VGLL4: variants seen among roughly 807,000 people sequenced by gnomAD.
VGLL4 encodes the protein transcription cofactor vestigial-like protein 4.
VGLL4 carries 7 observed loss-of-function variants against 21.0 expected under a neutral mutation model. The observed-to-expected ratio is 0.33, with a 90% CI of 0.19 to 0.63. VGLL4 has a LOEUF of 0.63. Among genes scored for constraint, VGLL4 ranks in the 20% least tolerant of loss-of-function variants. The probability of loss-of-function intolerance (pLI) is 0.78; values close to 1 mark genes in which losing one functional copy is unlikely to be tolerated. For synonymous variants in VGLL4, 222 were observed against 173.2 expected, an observed-to-expected ratio of 1.28 and a Z score of -2.21; for missense variants, 394 against 425.7, an observed-to-expected ratio of 0.93 and a Z score of 0.66.
At chr3:11,589,649 C>T (rs962582821) in intron 2 of VGLL4, among the ~76,000 whole-genome samples, 9 of 152,204 alleles carry the variant, frequency 5.9e-5, no homozygotes, top group African/African-American at 1.4e-4. Context: ...CTGTGGACTT[C>T]GTGACTTAAA....
intron 2 of VGLL4, among the ~76,000 whole-genome samples, chr3:11,696,881 C>G (rs2076613192): frequency 6.6e-6 from 1 of 152,046 alleles, no homozygotes. Context: ...TGGGACCCCG[C>G]CGGGTATGTG....
intron 1 of VGLL4, among the ~76,000 whole-genome samples, chr3:11,618,097 T>C (rs767738519): frequency 6.6e-6 from 1 of 152,194 alleles, no homozygotes; most frequent in Non-Finnish European, 1.5e-5. Context: ...TGCATACTTA[T>C]AGAGGGAAAA....
chr3:11,696,582 A>G (rs1234691955), intron 2 of VGLL4, among the ~76,000 whole-genome samples: 2 of 152,182 alleles, frequency 1.3e-5, no homozygotes, highest in African/African-American at 4.8e-5. Context: ...AAACCAAATC[A>G]TGTTTTTTCA....
At chr3:11,640,194 A>G (rs2075662915) in intron 1 of VGLL4, among the ~76,000 whole-genome samples, 1 of 152,112 alleles carries the variant, frequency 6.6e-6, no homozygotes, top group Non-Finnish European at 1.5e-5. Context: ...TTTTTGAGTC[A>G]GCCTTCATTC....
intron 1 of VGLL4, among the ~76,000 whole-genome samples, chr3:11,640,518 G>A (rs150108813): frequency 1.1e-3 from 162 of 152,266 alleles, no homozygotes; most frequent in African/African-American, 3.8e-3. Flanking sequence ...CTACTAATCC[G>A]CTCATCATTA....
At position 11,565,306 on chromosome 3, in the gene VGLL4, A is replaced by C. The variant is rs2073421983; in HGVS notation, c.273-287T>G. On this transcript the variant is annotated intron_variant, in intron 2 of 4. Transcript: ENST00000430365. This position sits in a 1 kb window ranked among gnomAD's most constrained non-coding sequence, Gnocchi z 4.1. ...CTGACTCTGTGTTCACTTCTATAAT[A>C]ATCTCCACTCCCTGGGAGCCTGGGG... Among the ~76,000 whole-genome samples the C allele has an allele frequency of 6.6e-6, 1 of 151,834 alleles. No homozygotes were observed. Among genetic ancestry groups the C allele is most frequent in the Admixed American group, 6.6e-5 (1 of 15,252 alleles).
intron 2 of VGLL4, among the ~76,000 whole-genome samples, chr3:11,677,444 T>C (rs2076307799): frequency 6.6e-6 from 1 of 152,006 alleles, no homozygotes; most frequent in East Asian, 1.9e-4. Flanking sequence ...TAATTTTTTT[T>C]GTATTTTTTG....
At position 11,601,945 on chromosome 3, in the gene VGLL4, G is replaced by T. The variant is rs1258716857; in HGVS notation, c.160C>A (p.Pro54Thr). ...ASALSSHRTG[P>T]PPISPSKRKF... is the part of the protein sequence containing the mutation. ...CTCTTGCTGGGGCTGATTGGGGGAG[G>T]GCCGGTGCGGTGACTGCTGAGGGCA... is the stretch of plus-strand genomic sequence containing the variant. Residue 54 changes from proline to threonine, a missense_variant, in exon 2 of 5, where the codon CCT becomes ACT. Transcript: ENST00000430365. The T allele has an allele frequency of 6.2e-7, 1 of 1,613,128 alleles. No homozygotes were observed. The highest frequency in any genetic ancestry group is 8.5e-7 in the Non-Finnish European group (1 of 1,179,606).
intron 1 of VGLL4, chr3:11,612,447 GATC>G (rs1454040227): frequency 1.3e-5 from 2 of 152,188 alleles, no homozygotes; most frequent in Admixed American, 6.5e-5. Context: ...ACAGCCTGAA[GATC>G]ATCAGATCTA....
chr3:11,649,480 G>A (rs185080451), intron 2 of VGLL4, among the ~76,000 whole-genome samples: 23 of 152,174 alleles, frequency 1.5e-4, no homozygotes, highest in Admixed American at 1.5e-3. Context: ...ATGAAGATGC[G>A]GATAAGGAAA....
At chr3:11,582,258 A>G (rs543875783) in intron 2 of VGLL4, 2 of 1,604,250 alleles carry the variant, frequency 1.2e-6, no homozygotes, top group East Asian at 4.5e-5. Context: ...GGATAAGGGA[A>G]TAAAATGAAA....
chr3:11,594,507 C>G (rs868619732), intron 2 of VGLL4, among the ~76,000 whole-genome samples: 14 of 152,314 alleles, frequency 9.2e-5, no homozygotes, highest in Admixed American at 5.2e-4. Flanking sequence ...ACATCCCACT[C>G]TAAGTCTACA....
chr3:11,588,964 T>G (rs1311428875), intron 2 of VGLL4, among the ~76,000 whole-genome samples: 4 of 152,082 alleles, frequency 2.6e-5, no homozygotes, highest in Admixed American at 2.6e-4. Flanking sequence ...GTTATAAGGG[T>G]CTGTGCAGGC....
chr3:11,626,650 C>T (rs2075356803), intron 1 of VGLL4: 1 of 252,592 alleles, frequency 4.0e-6, no homozygotes, highest in African/African-American at 2.2e-5. Context: ...AAGCCACTTA[C>T]AGACAAAATG....
chr3:11,589,883 A>AAAC lies in VGLL4; in HGVS notation c.272+11949_272+11950insGTT, dbSNP rs1165008067. ...CTCATGACCTCATGAAACCCTCATC[A>AAAC]CCTCCCAAAGGCTTCATCTCTAAAG... is the stretch of plus-strand genomic sequence containing the variant. On this transcript the variant is annotated intron_variant, in intron 2 of 4. Coordinates refer to ENST00000430365, the MANE Select transcript of VGLL4 (RefSeq NM_001128219.3). 1.8e-4 allele frequency among the ~76,000 whole-genome samples: 28 copies of AAAC among 152,018 alleles called. 1 individual carries two copies. In the East Asian group the frequency reaches 3.5e-3, roughly 19 times the overall value.
intron 2 of VGLL4, among the ~76,000 whole-genome samples, chr3:11,600,909 C>G (rs1559891423): frequency 6.6e-6 from 1 of 152,176 alleles, no homozygotes. Flanking sequence ...GCTACTCCCT[C>G]CAATACTCAG....
At chr3:11,634,411 T>G (rs572173925) in intron 1 of VGLL4, among the ~76,000 whole-genome samples, 10 of 152,242 alleles carry the variant, frequency 6.6e-5, no homozygotes, top group Non-Finnish European at 1.5e-5. Context: ...TGCTTTCCTC[T>G]GTGGCCACCG....
intron 2 of VGLL4, among the ~76,000 whole-genome samples, chr3:11,695,203 C>T (rs2076587402): frequency 6.6e-6 from 1 of 152,028 alleles, no homozygotes; most frequent in Non-Finnish European, 1.5e-5. Flanking sequence ...GCGCCTGCCA[C>T]CACAGCTGGC....
chr3:11,688,953 G>A (rs1575532645), intron 2 of VGLL4, among the ~76,000 whole-genome samples: 4 of 152,178 alleles, frequency 2.6e-5, no homozygotes, highest in South Asian at 2.1e-4. Flanking sequence ...GGGAGCTGGA[G>A]GGAGGTTGCA....
Sources: gnomAD v4.1 joint callset for allele counts (sites outside exome capture counted in the v4.1 genomes callset) on GRCh38, gnomAD v4.1.1 for gene constraint, Gnocchi (gnomAD v3.1) non-coding constraint, MANE v1.5 for transcripts, NCBI Gene and HGNC (gene_info 2026-07-23, HGNC 2026-07-21) for gene names.